Variants in MAD1L1 observed in about 807,000 individuals in gnomAD.
The protein encoded by MAD1L1 is mitotic spindle assembly checkpoint protein MAD1.
Under a neutral mutation model 96.9 loss-of-function variants are expected in MAD1L1, and 95 were observed. That is an observed-to-expected ratio of 0.98 (90% CI 0.83 to 1.16). The LOEUF (loss-of-function observed/expected upper bound fraction) is 1.16. Among genes scored for constraint, MAD1L1 ranks in the 50% most tolerant of loss-of-function variants. The pLI is 0.00. For synonymous variants in MAD1L1, 473 were observed against 396.6 expected (o/e 1.19, Z -2.29); for missense variants, 1,007 against 954.4 (o/e 1.06, Z -0.73).
intron 11 of MAD1L1, among the ~76,000 whole-genome samples, chr7:2,097,975 G>A (rs565972979): frequency 3.9e-5 from 6 of 152,362 alleles, no homozygotes; most frequent in East Asian, 1.9e-4. Context: ...GCTCAGCAGC[G>A]CGGTGTCGCA....
intron 16 of MAD1L1, among the ~76,000 whole-genome samples, chr7:1,944,144 A>G (rs1339228314): frequency 3.3e-5 from 5 of 152,180 alleles, no homozygotes; most frequent in Non-Finnish European, 7.3e-5. Context: ...CTCCCTTTCC[A>G]GGAAATGCTC....
intron 16 of MAD1L1, among the ~76,000 whole-genome samples, chr7:1,949,370 G>A (rs1779382659): frequency 2.0e-5 from 3 of 152,184 alleles, no homozygotes. Context: ...CCAAAGACGT[G>A]GATCTCCTCC....
In MAD1L1 at chr7:2,121,820, G is replaced by A. The variant is rs191360710; in HGVS notation, c.1073+27332C>T. On this transcript the variant is annotated intron_variant, in intron 11 of 18. Coordinates refer to ENST00000265854, the MANE Select transcript of MAD1L1 (RefSeq NM_001013836.2). ...TCACTGTCCCTCCAGACGGTGAGGT[G>A]TGTCTGCCTCGCTCTCCACCCTCTC... Among the ~76,000 whole-genome samples, 1,242 of 152,248 alleles carry A rather than the reference G, an allele frequency of 8.2e-3. 12 individuals carry two copies. The highest frequency in any genetic ancestry group is 0.014 in the Non-Finnish European group (920 of 67,996).
intron 14 of MAD1L1, among the ~76,000 whole-genome samples, chr7:1,987,749 G>C (rs1006508059): frequency 6.6e-6 from 1 of 152,234 alleles, no homozygotes; most frequent in Non-Finnish European, 1.5e-5. Flanking sequence ...GGAGGGTGCA[G>C]AGGGCTCCTT....
chr7:1,959,701 TC>T (rs1393364073), intron 15 of MAD1L1, among the ~76,000 whole-genome samples: 2 of 152,112 alleles, frequency 1.3e-5, no homozygotes, highest in Non-Finnish European at 2.9e-5. Context: ...TGAAAACATC[TC>T]CCAAAACAGA....
At chr7:2,189,967 TA>T (rs1791642549) in intron 10 of MAD1L1, among the ~76,000 whole-genome samples, 2 of 151,998 alleles carry the variant, frequency 1.3e-5, no homozygotes, top group African/African-American at 4.8e-5. Flanking sequence ...CATGCCCAGG[TA>T]AAACTGCACT....
At chr7:2,043,677 T>C (rs1272647568) in intron 12 of MAD1L1, among the ~76,000 whole-genome samples, 2 of 152,178 alleles carry the variant, frequency 1.3e-5, no homozygotes, top group Admixed American at 1.3e-4. Context: ...TGAGCGCCTG[T>C]TTCCCACCAC....
chr7:2,155,655 C>G (rs1432340481), intron 10 of MAD1L1, among the ~76,000 whole-genome samples: 2 of 152,238 alleles, frequency 1.3e-5, no homozygotes, highest in African/African-American at 4.8e-5. Flanking sequence ...CTTTTGAAGG[C>G]TGAGTAATAC....
At chr7:1,916,234 C>T (rs1038413710) in intron 17 of MAD1L1, among the ~76,000 whole-genome samples, 1 of 152,202 alleles carries the variant, frequency 6.6e-6, no homozygotes, top group African/African-American at 2.4e-5. Context: ...AGCTCCTCTC[C>T]TCCCTAGAAT....
intron 15 of MAD1L1, among the ~76,000 whole-genome samples, chr7:1,971,572 T>A (rs1780407874): frequency 6.6e-6 from 1 of 152,150 alleles, no homozygotes; most frequent in Non-Finnish European, 1.5e-5. Flanking sequence ...GGAAAAATCA[T>A]CAAAGACTTC....
At chr7:2,068,299 C>T (rs553657147) in intron 12 of MAD1L1, among the ~76,000 whole-genome samples, 5 of 152,328 alleles carry the variant, frequency 3.3e-5, no homozygotes, top group South Asian at 4.1e-4. Flanking sequence ...AGCATGGAGC[C>T]GCCCAGAGCG....
chr7:2,221,451 G>T (rs1051893252), intron 5 of MAD1L1, among the ~76,000 whole-genome samples: 4 of 151,926 alleles, frequency 2.6e-5, no homozygotes, highest in African/African-American at 2.4e-5. Flanking sequence ...GGAAGGACCC[G>T]CGGCCAGTTT....
At position 1,860,687 on chromosome 7, in the gene MAD1L1, C is replaced by T. The variant is rs369791205; in HGVS notation, c.1998+37513G>A. ...CTGGCGACTGCACCCACATGGCTGC[C>T]GGCCTCAGGGAATAAGGATCCCCTG... On this transcript the variant is annotated intron_variant, in intron 18 of 18. Coordinates refer to ENST00000265854, the MANE Select transcript of MAD1L1 (RefSeq NM_001013836.2). 2.6e-3 allele frequency among the ~76,000 whole-genome samples: 401 copies of T among 152,304 alleles called. 1 individual carries two copies. Among genetic ancestry groups the T allele is most frequent in the African/African-American group, 9.3e-3 (386 of 41,544 alleles).
chr7:2,072,313 G>A (rs1053225463), intron 11 of MAD1L1, among the ~76,000 whole-genome samples: 23 of 152,222 alleles, frequency 1.5e-4, no homozygotes, highest in Non-Finnish European at 2.5e-4. Flanking sequence ...TGACTGCTGC[G>A]ACGTGAGAGC....
At chr7:2,068,502 A>G (rs1214867890) in intron 12 of MAD1L1, among the ~76,000 whole-genome samples, 1 of 152,342 alleles carries the variant, frequency 6.6e-6, no homozygotes, top group East Asian at 1.9e-4. Context: ...AGGGTGGCAC[A>G]GCCCTCCGCC....
intron 15 of MAD1L1, among the ~76,000 whole-genome samples, chr7:1,975,954 C>T (rs1039438466): frequency 6.6e-6 from 1 of 152,216 alleles, no homozygotes; most frequent in African/African-American, 2.4e-5. Context: ...TTAGGATTTG[C>T]TAGAGCTGCT....
chr7:1,859,785 CCT>C (rs1784432449), intron 18 of MAD1L1, among the ~76,000 whole-genome samples: 1 of 151,624 alleles, frequency 6.6e-6, no homozygotes, highest in African/African-American at 2.4e-5. Context: ...TGCAGGGCGG[CCT>C]CTGTCTCCCT....
intron 12 of MAD1L1, among the ~76,000 whole-genome samples, chr7:2,036,343 C>T (rs1381441711): frequency 1.3e-5 from 2 of 151,904 alleles, no homozygotes; most frequent in Non-Finnish European, 2.9e-5. Flanking sequence ...GTCCAGGCTC[C>T]CAGGCATGAG....
intron 12 of MAD1L1, among the ~76,000 whole-genome samples, chr7:2,017,819 T>A (rs913350578): frequency 6.6e-6 from 1 of 151,962 alleles, no homozygotes; most frequent in African/African-American, 2.4e-5. Context: ...GAGAACGCCA[T>A]AGCAGGGGGC....
Sources: gnomAD v4.1 joint callset for allele counts (sites outside exome capture counted in the v4.1 genomes callset) on GRCh38, gnomAD v4.1.1 for gene constraint, MANE v1.5 for transcripts, NCBI Gene and HGNC (gene_info 2026-07-23, HGNC 2026-07-21) for gene names.